The following WWP2 variants were observed in gnomAD, a reference collection of about 807,000 sequenced individuals.
WWP2 encodes WW domain containing E3 ubiquitin protein ligase 2.
In WWP2, 57 loss-of-function variants were observed where a neutral mutation model predicts 121.0. The ratio of observed to expected loss-of-function variants is 0.47; its 90% confidence interval spans 0.38 to 0.59. WWP2 has a LOEUF of 0.59. Ranked by LOEUF, WWP2 falls within the 20% of genes least tolerant of loss-of-function variation. The pLI, the probability that WWP2 is intolerant of heterozygous loss-of-function variation, is 0.00. For synonymous variants in WWP2, 449 were observed against 441.3 expected (o/e 1.02, Z -0.22); for missense variants, 962 against 1,158.9 (o/e 0.83, Z 2.47).
intron 8 of WWP2, among the ~76,000 whole-genome samples, chr16:69,889,806 T>A (rs943763986): frequency 2.4e-4 from 36 of 152,310 alleles, no homozygotes; most frequent in African/African-American, 8.7e-4. Context: ...TGGTTGACGA[T>A]GACTTGGTGG....
At chr16:69,852,035 A>T (rs978550219) in intron 6 of WWP2, among the ~76,000 whole-genome samples, 7 of 145,886 alleles carry the variant, frequency 4.8e-5, no homozygotes, top group Admixed American at 4.7e-4. Context: ...TTGGGTAAAT[A>T]CAAAGGAACA....
At chr16:69,939,439 G>A (rs1373259385) in intron 23 of WWP2, 26 bp downstream of exon 23, 2 of 1,613,554 alleles carry the variant, frequency 1.2e-6, no homozygotes, top group Admixed American at 1.7e-5. Flanking sequence ...TTAGTGGGAG[G>A]TCGGGGGGCC....
chr16:69,806,927 A>C (rs2056286529), intron 4 of WWP2, among the ~76,000 whole-genome samples: 10 of 145,870 alleles, frequency 6.9e-5, no homozygotes, highest in Admixed American at 6.7e-4. Context: ...TATTTGCCCT[A>C]GATCTGTTTT....
At chr16:69,843,823 C>T (rs2057021430) in intron 6 of WWP2, among the ~76,000 whole-genome samples, 1 of 151,984 alleles carries the variant, frequency 6.6e-6, no homozygotes, top group Non-Finnish European at 1.5e-5. Context: ...GAGCTAGCAT[C>T]AGGGCACTGG....
chr16:69,871,741 G>C, intron 6 of WWP2, 63 bp from the exon 7 acceptor site: 1 of 1,594,792 alleles, frequency 6.3e-7, no homozygotes, highest in Non-Finnish European at 8.6e-7. Flanking sequence ...GACTTAGGTA[G>C]GAAACACTTC....
At chr16:69,931,409 C>G in intron 14 of WWP2, 100 bp from the exon 15 acceptor site, 1 of 1,541,976 alleles carries the variant, frequency 6.5e-7, no homozygotes, top group South Asian at 1.1e-5. Context: ...ATGCTATTGC[C>G]TCCTGGCCCA....
chr16:69,793,330 T>C (rs9927105), intron 2 of WWP2, among the ~76,000 whole-genome samples: 128,986 of 152,064 alleles, frequency 0.85, 55,000 homozygotes, highest in Admixed American at 0.91. Flanking sequence ...CCAGCCTGGG[T>C]GACAGAGCAA....
chr16:69,877,143 G>T (rs1180381254), intron 7 of WWP2, among the ~76,000 whole-genome samples: 3 of 152,192 alleles, frequency 2.0e-5, no homozygotes, highest in Non-Finnish European at 4.4e-5. Flanking sequence ...TGCAATAGAA[G>T]GCTCTTTCGT....
intron 8 of WWP2, among the ~76,000 whole-genome samples, chr16:69,905,492 G>A (rs1597139440): frequency 6.6e-6 from 1 of 152,158 alleles, no homozygotes; most frequent in African/African-American, 2.4e-5. Flanking sequence ...TTTGAGTTCC[G>A]ACATGATGCT....
intron 1 of WWP2, among the ~76,000 whole-genome samples, chr16:69,782,314 A>G (rs1232953839): frequency 2.6e-5 from 4 of 152,152 alleles, no homozygotes; most frequent in Non-Finnish European, 1.5e-5. Context: ...GAGGGATGAC[A>G]TTCAAAGCCT....
chr16:69,820,987 C>T (rs1567684636), intron 4 of WWP2, among the ~76,000 whole-genome samples: 3 of 152,258 alleles, frequency 2.0e-5, no homozygotes. Context: ...GCGTGCTGCC[C>T]ACTCCGGCGA....
At chr16:69,859,714 C>T (rs955401096) in intron 6 of WWP2, among the ~76,000 whole-genome samples, 1 of 152,062 alleles carries the variant, frequency 6.6e-6, no homozygotes, top group Non-Finnish European at 1.5e-5. Context: ...CATTCCTTCT[C>T]ACGGTGCCCC....
At chr16:69,908,333 A>AG (rs368250248) in intron 8 of WWP2, among the ~76,000 whole-genome samples, 1 of 152,206 alleles carries the variant, frequency 6.6e-6, no homozygotes, top group African/African-American at 2.4e-5. Flanking sequence ...GATCTTGTGG[A>AG]GGGGTCTATG....
At chr16:69,910,210 C>A in intron 9 of WWP2, 1 of 303,592 alleles carries the variant, frequency 3.3e-6, no homozygotes, top group Non-Finnish European at 4.8e-6. Context: ...CTATGTATTT[C>A]TAAAACATAT....
intron 6 of WWP2, among the ~76,000 whole-genome samples, chr16:69,854,018 C>G (rs1224533530): frequency 6.6e-6 from 1 of 152,186 alleles, no homozygotes; most frequent in Non-Finnish European, 1.5e-5. Flanking sequence ...ACTGAAGAGA[C>G]ACAGAGAGAA....
chr16:69,898,492 G>A (rs903152655), intron 8 of WWP2, among the ~76,000 whole-genome samples: 5 of 152,148 alleles, frequency 3.3e-5, no homozygotes, highest in African/African-American at 7.2e-5. Flanking sequence ...TGTCAGGTTC[G>A]TTTCATGTGG....
chr16:69,933,249 G>A (rs1464373930), intron 16 of WWP2: 4 of 414,598 alleles, frequency 9.6e-6, no homozygotes, highest in Non-Finnish European at 1.0e-5. Context: ...GGCCCCCTTG[G>A]GACATCCCCT....
Position 69,849,222 on chromosome 16 carries a change from A to G in WWP2, c.575+7102A>G, listed in dbSNP as rs552260698. On this transcript the variant is annotated intron_variant, in intron 6 of 23. Transcript: ENST00000359154. ...GGGAGAATTGGGAAGCAGAGCTAGCAGGGAGGAGGGGTGGAGGGTGGATAG... is the reference window on the plus strand; with the variant it reads ...GGGAGAATTGGGAAGCAGAGCTAGCGGGGAGGAGGGGTGGAGGGTGGATAG... Among the ~76,000 whole-genome samples the G allele has an allele frequency of 3.1e-3, 468 of 152,256 alleles. 5 individuals carry two copies. Among genetic ancestry groups the G allele is most frequent in the African/African-American group, 0.01 (430 of 41,552 alleles).
At chr16:69,910,648 A>G (rs1189824723) in intron 9 of WWP2, among the ~76,000 whole-genome samples, 1 of 152,126 alleles carries the variant, frequency 6.6e-6, no homozygotes, top group Non-Finnish European at 1.5e-5. Flanking sequence ...TGACCTTGTG[A>G]TTCGCCTGCC....
Sources: allele counts gnomAD v4.1 joint callset (sites outside exome capture counted in the v4.1 genomes callset), GRCh38; gene constraint gnomAD v4.1.1; transcripts MANE v1.5; gene names NCBI Gene and HGNC (gene_info 2026-07-23, HGNC 2026-07-21).